The following FIBCD1 variants were observed in gnomAD, a reference collection of about 807,000 sequenced individuals.
FIBCD1 encodes the protein fibrinogen C domain containing 1.
Under a neutral mutation model 45.1 loss-of-function variants are expected in FIBCD1, and 47 were observed. That is an observed-to-expected ratio of 1.04 (90% CI 0.82 to 1.33). The LOEUF is 1.33. Among genes scored for constraint, FIBCD1 ranks in the 40% most tolerant of loss-of-function variants. The pLI is 0.00. For missense variants in FIBCD1, 653 were observed against 682.2 expected, an observed-to-expected ratio of 0.96 and a Z score of 0.48; for synonymous variants, 313 against 308.1, an observed-to-expected ratio of 1.02 and a Z score of -0.17.
chr9:130,917,478 C>T (rs1015670112), intron 4 of FIBCD1, among the ~76,000 whole-genome samples: 3 of 152,022 alleles, frequency 2.0e-5, no homozygotes, highest in East Asian at 1.9e-4. Flanking sequence ...GCTCTGGACG[C>T]GGAGGAAGGA....
Position 130,911,949 on chromosome 9 carries a change from C to T in FIBCD1, c.850-61G>A, listed in dbSNP as rs918039525. The T allele has an allele frequency of 3.4e-6, 5 of 1,463,232 alleles. No individual in the cohort carries two copies. The South Asian group carries it at 3.7e-5, about 11-fold the overall frequency. 90.6% of individuals were successfully genotyped at this position (1,463,232 alleles called of 1,614,324 possible). A position where few individuals can be genotyped will look rare whatever the true frequency, so the allele number is the denominator to read the frequency against. On this transcript the variant is annotated intron_variant, in intron 4 of 6. Coordinates refer to ENST00000372338, the MANE Select transcript of FIBCD1 (RefSeq NM_032843.5). Reference sequence around the variant, plus strand: ...GACCATCCCAGGACTCGCAGCCCACCTGGGCCCACCCCGCCCAGAGACTCC... The same window carrying T: ...GACCATCCCAGGACTCGCAGCCCACTTGGGCCCACCCCGCCCAGAGACTCC...
intron 2 of FIBCD1, among the ~76,000 whole-genome samples, chr9:130,927,120 G>A (rs1029602162): frequency 6.6e-6 from 1 of 152,036 alleles, no homozygotes; most frequent in African/African-American, 2.4e-5. Context: ...GTGCACACTT[G>A]TAGTGACTGC....
At chr9:130,935,068 T>A (rs1832499121) in intron 1 of FIBCD1, among the ~76,000 whole-genome samples, 1 of 151,944 alleles carries the variant, frequency 6.6e-6, no homozygotes, top group African/African-American at 2.4e-5. Flanking sequence ...AGACTATACC[T>A]CCTAGCATTA....
Position 130,929,818 on chromosome 9 carries a change from G to A in FIBCD1, c.301C>T (p.Leu101Phe), listed in dbSNP as rs1588112656. The A allele has an allele frequency of 6.4e-7, 1 of 1,550,562 alleles. No homozygotes were observed. Among genetic ancestry groups the A allele is most frequent in the Non-Finnish European group, 8.7e-7 (1 of 1,147,118 alleles). The change falls in exon 2 of 7, where the codon CTC (leucine) becomes TTC (phenylalanine). Residue 101 changes from leucine to phenylalanine, a missense_variant. Physicochemically the swap from Leu to Phe is conservative, Grantham distance 22. Transcript: ENST00000372338. ...TCCAGGCGTGCGAAGCTGTCGGTGA[G>A]GTCGGGGCAGCGCGGGTCAATGAGG... The part of the protein sequence containing the change: ...SILIDPRCPD[L>F]TDSFARLESA...
In FIBCD1 at chr9:130,929,720, C is replaced by T. The variant is rs776037720; in HGVS notation, c.399G>A (p.Glu133=). The T allele has an allele frequency of 3.0e-5, 48 of 1,592,458 alleles. 1 individual carries two copies. In the South Asian group the frequency reaches 5.0e-4, roughly 17 times the overall value. ...QAQPRLVGDQ[E]QELLDTLADQ... Reference sequence around the variant, plus strand: ...CGGCCAGCGTGTCCAGCAGCTCCTGCTCCTGGTCGCCCACCAGCCGTGGCT... The same window carrying T: ...CGGCCAGCGTGTCCAGCAGCTCCTGTTCCTGGTCGCCCACCAGCCGTGGCT... Residue 133 remains glutamate, a synonymous_variant, in exon 2 of 7, where the codon GAG becomes GAA. Coordinates refer to ENST00000372338, the MANE Select transcript of FIBCD1 (RefSeq NM_032843.5).
At chr9:130,935,954 C>T (rs750458373) in intron 1 of FIBCD1, among the ~76,000 whole-genome samples, 6 of 152,152 alleles carry the variant, frequency 3.9e-5, no homozygotes, top group African/African-American at 7.2e-5. Context: ...GGCCAGGCCC[C>T]GTTTGTAGGA....
At chr9:130,909,119 C>G (rs1438061620) in intron 5 of FIBCD1, among the ~76,000 whole-genome samples, 1 of 152,128 alleles carries the variant, frequency 6.6e-6, no homozygotes, top group African/African-American at 2.4e-5. Flanking sequence ...CAGCTCTGAC[C>G]CCGCTCGCTC....
At chr9:130,912,825 C>A (rs979503461) in intron 4 of FIBCD1, among the ~76,000 whole-genome samples, 1 of 151,862 alleles carries the variant, frequency 6.6e-6, no homozygotes, top group Non-Finnish European at 1.5e-5. Flanking sequence ...GAGTCTTAAT[C>A]TTTTTCCAGG....
rs114532091 is a variant in FIBCD1 at position 130,921,965 on chromosome 9, C to T, written c.849+1779G>A. 4.3e-3 allele frequency among the ~76,000 whole-genome samples: 661 copies of T among 152,322 alleles called. 2 individuals carry two copies. The highest frequency in any genetic ancestry group is 0.014 in the African/African-American group (591 of 41,568). On this transcript the variant is annotated intron_variant, in intron 4 of 6. Coordinates refer to ENST00000372338, the MANE Select transcript of FIBCD1 (RefSeq NM_032843.5). ...AACATAGCAGGCTCTGCCTTGCTGG[C>T]GGACTCGTCCCTCCACCGGCCGCCT...
Position 130,920,402 on chromosome 9 carries a change from C to G in FIBCD1, c.849+3342G>C, listed in dbSNP as rs1425461914. 2.6e-5 allele frequency among the ~76,000 whole-genome samples: 4 copies of G among 152,202 alleles called. No homozygotes were observed. The East Asian group carries it at 5.8e-4, about 22-fold the overall frequency. ...ATGAGCAGCCTGTGAAGGGTTCTGA[C>G]TTGTCCCCATCTGCAGAGCGGCTCT... On this transcript the variant is annotated intron_variant, in intron 4 of 6. Transcript: ENST00000372338.
intron 4 of FIBCD1, among the ~76,000 whole-genome samples, chr9:130,913,298 C>G (rs140702473): frequency 6.7e-6 from 1 of 149,122 alleles, no homozygotes; most frequent in African/African-American, 2.5e-5. Context: ...AGGCAGCGCC[C>G]GCGGCCCGGC....
In FIBCD1 at chr9:130,903,864, ATGG is replaced by A; in HGVS notation, c.*197_*199del. On this transcript the variant is annotated 3_prime_UTR_variant, in exon 7 of 7. Coordinates refer to ENST00000372338, the MANE Select transcript of FIBCD1 (RefSeq NM_032843.5). The stretch of plus-strand genomic sequence containing the variant: ...AGGCAAGAGATCAGTGAGCTGCCAA[ATGG>A]AGGGGGTGGGGACGGCGAGAAGGCG... 1 of 695,456 alleles carries A rather than the reference ATGG, an allele frequency of 1.4e-6. No homozygotes were observed. Among genetic ancestry groups the A allele is most frequent in the South Asian group, 1.7e-5 (1 of 57,320 alleles). 43.1% of individuals were successfully genotyped at this position (695,456 alleles called of 1,614,324 possible).
intron 4 of FIBCD1, among the ~76,000 whole-genome samples, chr9:130,919,236 G>T (rs1048690337): frequency 6.6e-6 from 1 of 152,226 alleles, no homozygotes; most frequent in African/African-American, 2.4e-5. Context: ...ATGAACGAAG[G>T]AAATGTGAGG....
At chr9:130,913,203 G>A (rs922605882) in intron 4 of FIBCD1, among the ~76,000 whole-genome samples, 6 of 151,630 alleles carry the variant, frequency 4.0e-5, no homozygotes, top group East Asian at 1.9e-4. Context: ...CTGACAATCC[G>A]TCCCAGCCGG....
At chr9:130,913,066 G>A (rs1259411621) in intron 4 of FIBCD1, among the ~76,000 whole-genome samples, 4 of 152,086 alleles carry the variant, frequency 2.6e-5, no homozygotes, top group Non-Finnish European at 5.9e-5. Context: ...GAGCGCCTGG[G>A]CTGCCTCTGT....
intron 4 of FIBCD1, among the ~76,000 whole-genome samples, chr9:130,916,512 G>T (rs1437892079): frequency 6.6e-6 from 1 of 152,238 alleles, no homozygotes; most frequent in South Asian, 2.1e-4. Flanking sequence ...TGCCGAGCAC[G>T]GCCCAGATCG....
At chr9:130,924,459 T>G (rs771845696) in intron 2 of FIBCD1, 63 bp from the exon 3 acceptor site, 14 of 1,477,994 alleles carry the variant, frequency 9.5e-6, no homozygotes, top group Admixed American at 2.1e-5. Flanking sequence ...GTGGCGCACA[T>G]AGCAGGTCAC....
intron 2 of FIBCD1, among the ~76,000 whole-genome samples, chr9:130,925,645 G>T (rs1832345710): frequency 6.6e-6 from 1 of 152,186 alleles, no homozygotes; most frequent in South Asian, 2.1e-4. Context: ...ACAGCCCTGG[G>T]GTTGGAGCTT....
intron 5 of FIBCD1, among the ~76,000 whole-genome samples, chr9:130,910,641 A>G (rs1564333712): frequency 6.6e-6 from 1 of 152,210 alleles, no homozygotes; most frequent in Non-Finnish European, 1.5e-5. Context: ...TTGTAAATAC[A>G]CCAATCGGCA....
Sources: allele counts gnomAD v4.1 joint callset (sites outside exome capture counted in the v4.1 genomes callset), GRCh38; gene constraint gnomAD v4.1.1; transcripts MANE v1.5; gene names NCBI Gene and HGNC (gene_info 2026-07-23, HGNC 2026-07-21).